TENM3: variants seen among roughly 807,000 people sequenced by gnomAD.
TENM3 encodes the protein teneurin-3.
A neutral mutation model predicts 255.1 loss-of-function variants in TENM3; 63 were observed. That is an observed-to-expected ratio of 0.25 (90% CI 0.20 to 0.30). TENM3 has a LOEUF of 0.30. TENM3 is among the 10% of genes least tolerant of loss of function. TENM3 has a pLI of 1.00. For synonymous variants in TENM3, 1,306 were observed against 1,322.3 expected, an observed-to-expected ratio of 0.99 and a Z score of 0.27; for missense variants, 2,929 against 3,461.1, an observed-to-expected ratio of 0.85 and a Z score of 3.86.
intron 12 of TENM3, among the ~76,000 whole-genome samples, chr4:182,698,360 T>C (rs1292903465): frequency 2.6e-5 from 4 of 152,184 alleles, no homozygotes. Context: ...GTGTTACAGA[T>C]TTAACCTTGT....
At chr4:182,413,944 A>G (rs1770188782) in intron 3 of TENM3, among the ~76,000 whole-genome samples, 1 of 152,240 alleles carries the variant, frequency 6.6e-6, no homozygotes, top group Admixed American at 6.5e-5. Flanking sequence ...CATAGATAAT[A>G]CTGTCAATGA....
chr4:182,492,731 A>G (rs565888738), intron 3 of TENM3, among the ~76,000 whole-genome samples: 43 of 152,300 alleles, frequency 2.8e-4, no homozygotes, highest in Middle Eastern at 3.4e-3. Flanking sequence ...TGAATCAGTC[A>G]GAAGTGAATT....
intron 1 of TENM3, among the ~76,000 whole-genome samples, chr4:182,235,993 G>A (rs1431568810): frequency 6.6e-6 from 1 of 152,186 alleles, no homozygotes; most frequent in Non-Finnish European, 1.5e-5. Context: ...TTTGATACAG[G>A]CAAGTGACAT....
the TENM3 span, chr4:182,081,833 G>GA: frequency 1.0e-4 from 15 of 148,468 alleles, no homozygotes; most frequent in East Asian, 4.0e-4. Flanking sequence ...GAACCTAGGC[G>GA]AAAAAAAAAA....
chr4:181,901,406 T>C, the TENM3 span, among the ~76,000 whole-genome samples: 3 of 152,214 alleles, frequency 2.0e-5, no homozygotes, highest in African/African-American at 7.2e-5. Context: ...CAGAATGGGA[T>C]CCACCTTTGA....
At chr4:181,610,619 A>G in the TENM3 span, among the ~76,000 whole-genome samples, 2 of 152,180 alleles carry the variant, frequency 1.3e-5, no homozygotes, top group African/African-American at 4.8e-5. Context: ...ATGTGACACA[A>G]TGACTAACCT....
At chr4:182,549,410 T>C (rs1299262133) in intron 3 of TENM3, among the ~76,000 whole-genome samples, 1 of 152,226 alleles carries the variant, frequency 6.6e-6, no homozygotes, top group Admixed American at 6.5e-5. Flanking sequence ...AAAATCCCTC[T>C]GGATAGGAAA....
chr4:182,224,336 A>G lies in TENM3; in HGVS notation c.-76+79582A>G, dbSNP rs1246760064. On this transcript the variant is annotated intron_variant, in intron 1 of 2. Transcript: ENST00000512480. ...ACCAGGGAGAGTAGCTAGGCCCTAT[A>G]TTTCTGGCTGGAATTCTCAAATGGG... Among the ~76,000 whole-genome samples the G allele has an allele frequency of 2.0e-5, 3 of 152,070 alleles. No homozygotes were observed. In the East Asian group the frequency reaches 5.8e-4, roughly 29 times the overall value.
At chr4:182,165,923 C>G (rs1045865530) in intron 1 of TENM3, among the ~76,000 whole-genome samples, 1 of 152,140 alleles carries the variant, frequency 6.6e-6, no homozygotes, top group African/African-American at 2.4e-5. Flanking sequence ...GGATTACAGG[C>G]GTGTGCCACC....
rs899157157 is a variant in TENM3 at position 182,386,834 on chromosome 4, C to T, written c.511+39905C>T. Among the ~76,000 whole-genome samples the T allele has an allele frequency of 8.5e-5, 13 of 152,248 alleles. 1 individual carries two copies. The highest frequency in any genetic ancestry group is 1.7e-4 in the African/African-American group (7 of 41,478). The stretch of plus-strand genomic sequence containing the variant: ...AGCCCGCCATGCCTGAGCCTTCCCC[C>T]GCCTCCGTGGGTTCCTGTGCAGCCC... On this transcript the variant is annotated intron_variant, in intron 3 of 27. Transcript: ENST00000511685.
the TENM3 span, among the ~76,000 whole-genome samples, chr4:181,741,983 T>C: frequency 1.3e-5 from 2 of 152,210 alleles, no homozygotes; most frequent in Non-Finnish European, 2.9e-5. Context: ...AGAACACTTA[T>C]TACTTATCGC....
At chr4:182,048,335 C>T in the TENM3 span, among the ~76,000 whole-genome samples, 1 of 152,102 alleles carries the variant, frequency 6.6e-6, no homozygotes, top group Non-Finnish European at 1.5e-5. Flanking sequence ...TCATAGATTA[C>T]TATCTACTTC....
the TENM3 span, among the ~76,000 whole-genome samples, chr4:181,785,545 G>A: frequency 2.6e-4 from 39 of 152,072 alleles, no homozygotes; most frequent in Non-Finnish European, 4.9e-4. Flanking sequence ...TCCCTATTCC[G>A]AAAATCCAAA....
At chr4:181,551,878 GTGTGTGTGTGTA>G in the TENM3 span, among the ~76,000 whole-genome samples, 84 of 51,850 alleles carry the variant, frequency 1.6e-3, no homozygotes, top group African/African-American at 3.7e-3. Flanking sequence ...GTGTGTGTGT[GTGTGTGTGTGTA>G]TATAAATTTT....
intron 3 of TENM3, among the ~76,000 whole-genome samples, chr4:182,459,270 T>C (rs761008075): frequency 3.3e-5 from 5 of 152,036 alleles, no homozygotes; most frequent in Non-Finnish European, 7.4e-5. Context: ...CAGTATTATA[T>C]TGAGAAATGA....
the TENM3 span, among the ~76,000 whole-genome samples, chr4:181,843,040 G>A: frequency 6.6e-6 from 1 of 152,058 alleles, no homozygotes; most frequent in Non-Finnish European, 1.5e-5. Flanking sequence ...ACTATATTAG[G>A]TGAACTCGTT....
At chr4:182,009,630 C>G in the TENM3 span, among the ~76,000 whole-genome samples, 1 of 152,204 alleles carries the variant, frequency 6.6e-6, no homozygotes, top group African/African-American at 2.4e-5. Flanking sequence ...CTGCCCTTCC[C>G]CTGCCCAAGG....
At chr4:182,010,518 A>T in the TENM3 span, among the ~76,000 whole-genome samples, 1 of 152,008 alleles carries the variant, frequency 6.6e-6, no homozygotes, top group African/African-American at 2.4e-5. Flanking sequence ...GTGCTATAAA[A>T]AGTGCTGTGA....
At chr4:181,982,130 A>G in the TENM3 span, among the ~76,000 whole-genome samples, 1 of 152,180 alleles carries the variant, frequency 6.6e-6, no homozygotes, top group East Asian at 1.9e-4. Flanking sequence ...AGAGAAAACA[A>G]TGTGAAAGAA....
Sources: gnomAD v4.1 joint callset for allele counts (sites outside exome capture counted in the v4.1 genomes callset) on GRCh38, gnomAD v4.1.1 for gene constraint, MANE v1.5 for transcripts, NCBI Gene and HGNC (gene_info 2026-07-23, HGNC 2026-07-21) for gene names.